PLXDC2: variants seen among roughly 807,000 people sequenced by gnomAD.
PLXDC2 encodes plexin domain-containing protein 2.
PLXDC2 carries 40 observed loss-of-function variants against 68.9 expected under a neutral mutation model. The ratio of observed to expected loss-of-function variants is 0.58; its 90% CI spans 0.45 to 0.76. The LOEUF is 0.76. Among genes scored for constraint, PLXDC2 ranks in the 30% least tolerant of loss-of-function variants. The probability of loss-of-function intolerance (pLI) is 0.00; values close to 1 mark genes in which losing one functional copy is unlikely to be tolerated. For missense variants in PLXDC2, 644 were observed against 661.9 expected (o/e 0.97, Z 0.30); for synonymous variants, 243 against 234.2 (o/e 1.04, Z -0.34).
intron 4 of PLXDC2, among the ~76,000 whole-genome samples, chr10:20,085,054 T>C (rs760074747): frequency 1.2e-4 from 18 of 151,882 alleles, no homozygotes; most frequent in Non-Finnish European, 2.5e-4. Context: ...AGGACAAAAG[T>C]GTGCATTTCT....
At chr10:20,233,981 C>A (rs1835398375) in intron 12 of PLXDC2, among the ~76,000 whole-genome samples, 1 of 111,646 alleles carries the variant, frequency 9.0e-6, no homozygotes, top group Non-Finnish European at 1.8e-5. Context: ...TCCCCATGCC[C>A]ACCTACTTTT....
intron 4 of PLXDC2, among the ~76,000 whole-genome samples, chr10:20,139,554 C>T (rs1171549492): frequency 6.6e-6 from 1 of 152,148 alleles, no homozygotes; most frequent in Non-Finnish European, 1.5e-5. Flanking sequence ...CACGTGCACA[C>T]ATATGTTTAT....
chr10:20,205,320 T>C (rs10764212), intron 9 of PLXDC2, among the ~76,000 whole-genome samples: 34,749 of 151,980 alleles, frequency 0.23, 4,924 homozygotes, highest in East Asian at 0.4. Flanking sequence ...TAATTTGTTT[T>C]GGAATTAGAT....
intron 1 of PLXDC2, among the ~76,000 whole-genome samples, chr10:19,982,304 G>C (rs1350415960): frequency 6.6e-6 from 1 of 152,188 alleles, no homozygotes; most frequent in East Asian, 1.9e-4. Context: ...GTGACTGATT[G>C]GTGGTAGATA....
intron 9 of PLXDC2, among the ~76,000 whole-genome samples, chr10:20,193,276 A>G (rs1834793165): frequency 6.6e-6 from 1 of 152,104 alleles, no homozygotes; most frequent in Non-Finnish European, 1.5e-5. Flanking sequence ...TGCCAGATAA[A>G]TGGAGGATAC....
intron 12 of PLXDC2, among the ~76,000 whole-genome samples, chr10:20,242,935 C>T (rs1479580316): frequency 6.6e-6 from 1 of 152,210 alleles, no homozygotes; most frequent in Non-Finnish European, 1.5e-5. Flanking sequence ...TGGTCTCAAA[C>T]TCCTGACCTC....
At chr10:20,111,203 C>CA (rs1251706757) in intron 4 of PLXDC2, among the ~76,000 whole-genome samples, 1 of 152,170 alleles carries the variant, frequency 6.6e-6, no homozygotes, top group Non-Finnish European at 1.5e-5. Flanking sequence ...CCATTGTACT[C>CA]ACAATGGAAT....
At chr10:19,846,819 G>A (rs1404902733) in intron 1 of PLXDC2, among the ~76,000 whole-genome samples, 1 of 152,150 alleles carries the variant, frequency 6.6e-6, no homozygotes, top group African/African-American at 2.4e-5. Context: ...ACACTGCTAA[G>A]AGAGATACAC....
chr10:20,101,946 C>T (rs748729019), intron 4 of PLXDC2, among the ~76,000 whole-genome samples: 2 of 151,934 alleles, frequency 1.3e-5, no homozygotes, highest in Admixed American at 6.6e-5. Context: ...TACAGCCCCC[C>T]GACCCCCACC....
At chr10:19,953,999 C>G (rs1317611794) in intron 1 of PLXDC2, among the ~76,000 whole-genome samples, 1 of 152,018 alleles carries the variant, frequency 6.6e-6, no homozygotes, top group African/African-American at 2.4e-5. Context: ...ATGTTAAAAA[C>G]TTGGCTTGAG....
At position 19,834,204 on chromosome 10, in the gene PLXDC2, A is replaced by G. The variant is rs1423093480; in HGVS notation, c.112+17013A>G. Among the ~76,000 whole-genome samples, 3 of 152,238 alleles carry G rather than the reference A, an allele frequency of 2.0e-5. No individual in the cohort carries two copies. In the East Asian group the frequency reaches 5.8e-4, roughly 29 times the overall value. ...GTCATCCATATCTTCTGCATTTGAA[A>G]CCTAGAACAGGTGTGCTAAAAAGAC... On this transcript the variant is annotated intron_variant, in intron 1 of 13. Coordinates refer to ENST00000377252, the MANE Select transcript of PLXDC2 (RefSeq NM_032812.9).
At chr10:19,859,019 C>CGAGAGA (rs60326474) in intron 1 of PLXDC2, among the ~76,000 whole-genome samples, 23 of 131,036 alleles carry the variant, frequency 1.8e-4, no homozygotes, top group Non-Finnish European at 3.5e-4. Flanking sequence ...AGAAAAGCAG[C>CGAGAGA]GAGAGAGAGA....
chr10:20,116,758 C>T (rs544154755), intron 4 of PLXDC2, among the ~76,000 whole-genome samples: 1 of 152,234 alleles, frequency 6.6e-6, no homozygotes, highest in South Asian at 2.1e-4. Context: ...TAAGCAATGA[C>T]ATCCCTTCTA....
At chr10:20,166,174 A>C (rs917640497) in intron 7 of PLXDC2, among the ~76,000 whole-genome samples, 1 of 152,152 alleles carries the variant, frequency 6.6e-6, no homozygotes, top group African/African-American at 2.4e-5. Context: ...ACTGGAGTGG[A>C]AGCTTTACTT....
chr10:20,245,847 T>TG (rs1382714155), intron 13 of PLXDC2, among the ~76,000 whole-genome samples: 4 of 152,168 alleles, frequency 2.6e-5, no homozygotes, highest in African/African-American at 9.7e-5. Context: ...ACTACGTATC[T>TG]GGGGGGCTGA....
intron 9 of PLXDC2, among the ~76,000 whole-genome samples, chr10:20,186,793 T>C (rs577964789): frequency 1.3e-5 from 2 of 152,014 alleles, no homozygotes; most frequent in South Asian, 4.1e-4. Context: ...ATATGTACCA[T>C]GTTTTCTTTA....
chr10:19,823,981 C>G (rs1836527242), intron 1 of PLXDC2, among the ~76,000 whole-genome samples: 1 of 152,076 alleles, frequency 6.6e-6, no homozygotes, highest in Non-Finnish European at 1.5e-5. Context: ...GCATTCCAGC[C>G]TGGCCAACAG....
intron 9 of PLXDC2, among the ~76,000 whole-genome samples, chr10:20,198,692 G>T (rs982287639): frequency 3.3e-5 from 5 of 152,036 alleles, no homozygotes; most frequent in Non-Finnish European, 4.4e-5. Context: ...TCTGATGAGG[G>T]TTATTATGAG....
At chr10:20,226,642 A>G (rs1051622310) in intron 12 of PLXDC2, among the ~76,000 whole-genome samples, 1 of 152,210 alleles carries the variant, frequency 6.6e-6, no homozygotes, top group African/African-American at 2.4e-5. Flanking sequence ...TAATTTGTAG[A>G]TAGAATGTGT....
Sources: gnomAD v4.1 joint callset for allele counts (sites outside exome capture counted in the v4.1 genomes callset) on GRCh38, gnomAD v4.1.1 for gene constraint, MANE v1.5 for transcripts, NCBI Gene and HGNC (gene_info 2026-07-23, HGNC 2026-07-21) for gene names.